RBBP8: variants seen among roughly 807,000 people sequenced by gnomAD.
The protein encoded by RBBP8 is RB binding protein 8, endonuclease.
Under a neutral mutation model 108.3 loss-of-function variants are expected in RBBP8, and 88 were observed. The observed-to-expected ratio is 0.81, with a 90% CI of 0.68 to 0.97. RBBP8 has a LOEUF of 0.97. Among genes scored for constraint, RBBP8 ranks in the 50% least tolerant of loss-of-function variants. RBBP8 has a pLI of 0.00. For synonymous variants in RBBP8, 332 were observed against 348.2 expected (o/e 0.95, Z 0.52); for missense variants, 1,023 against 1,049.0 (o/e 0.98, Z 0.34).
Position 22,984,894 on chromosome 18 carries a change from A to G in RBBP8, c.613A>G (p.Lys205Glu), listed in dbSNP as rs761936570. Reference protein sequence around the residue: ...EHSVCANEMRKVSKSSTHPQH... With the variant: ...EHSVCANEMREVSKSSTHPQH... ...TTTTTTTCTCCCCTTAGAAATGAGAAAAGTTTCCAAGTCTTCAACTCATCC... is the reference window on the plus strand; with the variant it reads ...TTTTTTTCTCCCCTTAGAAATGAGAGAAGTTTCCAAGTCTTCAACTCATCC... The change falls in exon 8 of 19, where the codon AAA becomes GAA. Residue 205 changes from lysine (K) to glutamate (E), a missense_variant. Transcript: ENST00000327155. The G allele has an allele frequency of 4.4e-6, 7 of 1,596,226 alleles. No individual in the cohort carries two copies. Among genetic ancestry groups the G allele is most frequent in the Non-Finnish European group, 5.1e-6 (6 of 1,165,602 alleles).
chr18:22,976,523 T>C (rs72887669), intron 6 of RBBP8, among the ~76,000 whole-genome samples: 1 of 152,228 alleles, frequency 6.6e-6, no homozygotes, highest in Non-Finnish European at 1.5e-5. Context: ...AGTATTCATA[T>C]GTTTTGCTGT....
At chr18:22,921,851 T>C (rs747718072) in intron 3 of RBBP8, among the ~76,000 whole-genome samples, 2 of 152,230 alleles carry the variant, frequency 1.3e-5, no homozygotes, top group African/African-American at 2.4e-5. Flanking sequence ...GTATGTACGC[T>C]GTAAATACTT....
At chr18:22,970,738 A>C (rs1914014027) in intron 5 of RBBP8, among the ~76,000 whole-genome samples, 1 of 152,062 alleles carries the variant, frequency 6.6e-6, no homozygotes, top group South Asian at 2.1e-4. Context: ...TGTATCTTTT[A>C]ATTTAGTGAA....
chr18:22,917,366 T>C (rs964398128), intron 3 of RBBP8, among the ~76,000 whole-genome samples: 2 of 152,238 alleles, frequency 1.3e-5, no homozygotes, highest in African/African-American at 2.4e-5. Context: ...CTGCTACAAA[T>C]TACGTTCCCC....
chr18:22,958,023 C>T (rs1912737056), intron 4 of RBBP8, among the ~76,000 whole-genome samples: 1 of 152,132 alleles, frequency 6.6e-6, no homozygotes. Flanking sequence ...TTTCCCTGTT[C>T]TTACCATTAT....
At chr18:22,957,224 G>A (rs1912634019) in intron 4 of RBBP8, among the ~76,000 whole-genome samples, 1 of 148,544 alleles carries the variant, frequency 6.7e-6, no homozygotes, top group Non-Finnish European at 1.5e-5. Flanking sequence ...AAGTTGCTGT[G>A]TGCTTTCATA....
upstream of RBBP8, among the ~76,000 whole-genome samples, chr18:22,930,844 T>G (rs975429738): frequency 2.0e-5 from 3 of 152,150 alleles, no homozygotes; most frequent in African/African-American, 7.2e-5. Flanking sequence ...CAATCATAGT[T>G]CACTGCAGCC....
chr18:22,982,256 A>G lies in RBBP8; in HGVS notation c.467A>G (p.Glu156Gly), dbSNP rs1332491697. The part of the protein sequence containing the change: ...QQHQAAELEC[E>G]EDVIPDSPIT... The stretch of plus-strand genomic sequence containing the variant: ...CATCAAGCAGCTGAGCTTGAATGTG[A>G]GGAAGACGTTATTCCAGATTCACCG... Residue 156 changes from glutamate (E) to glycine (G), a missense_variant, in exon 7 of 19, where the codon GAG (glutamate) becomes GGG (glycine). Coordinates refer to ENST00000327155, the MANE Select transcript of RBBP8 (RefSeq NM_002894.3). The G allele has an allele frequency of 2.5e-6, 4 of 1,614,128 alleles. No homozygotes were observed. Among genetic ancestry groups the G allele is most frequent in the Non-Finnish European group, 8.5e-7 (1 of 1,179,972 alleles).
chr18:22,985,119 T>TA, intron 8 of RBBP8, 129 bp downstream of exon 8: 1 of 1,240,004 alleles, frequency 8.1e-7, no homozygotes, highest in African/African-American at 1.5e-5. Flanking sequence ...TATTACTAGT[T>TA]TACTATCTTT....
rs533700824 is a variant in RBBP8, at chr18:22,940,342, A to G, written c.109+3382A>G. On this transcript the variant is annotated intron_variant, in intron 2 of 18. Coordinates refer to ENST00000327155, the MANE Select transcript of RBBP8 (RefSeq NM_002894.3). ...TTTCTTTTTTTTTTTTTTTTTTGAG[A>G]CAGAGTCTTGCTCTGTAGCCCAGGC... 4.8e-5 allele frequency among the ~76,000 whole-genome samples: 7 copies of G among 145,202 alleles called. No individual in the cohort carries two copies. In the South Asian group the frequency reaches 1.3e-3, roughly 27 times the overall value.
In RBBP8 at chr18:22,967,783, A is replaced by G. The variant is rs564260271; in HGVS notation, c.249-1023A>G. Among the ~76,000 whole-genome samples the G allele has an allele frequency of 5.8e-3, 877 of 151,226 alleles. 7 individuals are homozygous for G. The highest frequency in any genetic ancestry group is 9.3e-3 in the Non-Finnish European group (632 of 67,894). On this transcript the variant is annotated intron_variant, in intron 4 of 18. Transcript: ENST00000327155. Reference sequence around the variant, plus strand: ...TGCCTCAGCCTCCCGAGTAGCTGGGACTACAGGTGCCCGCCACCACGCACA... The same window carrying G: ...TGCCTCAGCCTCCCGAGTAGCTGGGGCTACAGGTGCCCGCCACCACGCACA...
intron 8 of RBBP8, among the ~76,000 whole-genome samples, chr18:22,988,779 G>A (rs1412604543): frequency 1.3e-5 from 2 of 152,142 alleles, no homozygotes; most frequent in Non-Finnish European, 2.9e-5. Context: ...CTAGAACATA[G>A]GTGATTTATG....
At chr18:22,986,580 T>C (rs546851501) in intron 8 of RBBP8, among the ~76,000 whole-genome samples, 3 of 152,124 alleles carry the variant, frequency 2.0e-5, no homozygotes, top group East Asian at 1.9e-4. Flanking sequence ...TGGAATATTA[T>C]AGCATGATCG....
intron 5 of RBBP8, among the ~76,000 whole-genome samples, chr18:22,971,236 A>G (rs1914056022): frequency 6.6e-6 from 1 of 151,274 alleles, no homozygotes; most frequent in Non-Finnish European, 1.5e-5. Context: ...CCTCCCACTC[A>G]CTCCATCATT....
At chr18:22,946,111 C>A (rs1911535957) in intron 2 of RBBP8, among the ~76,000 whole-genome samples, 1 of 152,236 alleles carries the variant, frequency 6.6e-6, no homozygotes, top group African/African-American at 2.4e-5. Context: ...CCTACATAAA[C>A]ACCATTGCTG....
chr18:22,997,566 A>G (rs1410452997), intron 13 of RBBP8, 54 bp from the exon 14 acceptor site: 14 of 1,071,986 alleles, frequency 1.3e-5, no homozygotes, highest in Non-Finnish European at 1.8e-5. Flanking sequence ...AATTAAATAT[A>G]AGACCATAAA....
Position 22,919,986 on chromosome 18 carries a change from T to C in RBBP8, c.-154+2960T>C, listed in dbSNP as rs533003037. Among the ~76,000 whole-genome samples, 7 of 152,292 alleles carry C rather than the reference T, an allele frequency of 4.6e-5. No homozygotes were observed. In the South Asian group the frequency reaches 8.3e-4, roughly 18 times the overall value. On this transcript the variant is annotated intron_variant, in intron 3 of 4. Transcript: ENST00000577588. ...TTACAGTAGATATTACTACAAACAA[T>C]TGCAAAGAAGGCAGGAAAAAAACAA...
Position 22,996,464 on chromosome 18 carries a change from T to G in RBBP8, c.2028+2T>G. On this transcript the variant is annotated splice_donor_variant, in intron 13 of 18. Coordinates refer to ENST00000327155, the MANE Select transcript of RBBP8 (RefSeq NM_002894.3). LOFTEE classifies it high-confidence loss of function. ...GATGTTACTGTAATAGATACAAAGG[T>G]AAGTTAAAAAGTAAAACCAAAACTC... is the stretch of plus-strand genomic sequence containing the variant. 1 of 1,613,182 alleles carries G rather than the reference T, an allele frequency of 6.2e-7. No homozygotes were observed. The highest frequency in any genetic ancestry group is 8.5e-7 in the Non-Finnish European group (1 of 1,179,734).
chr18:22,942,828 A>G (rs1911217129), intron 2 of RBBP8, among the ~76,000 whole-genome samples: 1 of 152,184 alleles, frequency 6.6e-6, no homozygotes, highest in South Asian at 2.1e-4. Flanking sequence ...AGAATTTAAA[A>G]TATTTATTTT....
Sources: allele counts gnomAD v4.1 joint callset (sites outside exome capture counted in the v4.1 genomes callset), GRCh38; gene constraint gnomAD v4.1.1; transcripts MANE v1.5; gene names NCBI Gene and HGNC (gene_info 2026-07-23, HGNC 2026-07-21).